Variants in FAM91A1 observed in about 807,000 individuals in gnomAD.
The protein encoded by FAM91A1 is protein FAM91A1.
A neutral mutation model predicts 113.5 loss-of-function variants in FAM91A1; 41 were observed. That is an observed-to-expected ratio of 0.36 (90% CI 0.28 to 0.47). The LOEUF is 0.47. Among genes scored for constraint, FAM91A1 ranks in the 20% least tolerant of loss-of-function variants. The pLI is 1.00. For missense variants in FAM91A1, 696 were observed against 1,001.2 expected, an observed-to-expected ratio of 0.70 and a Z score of 4.11; for synonymous variants, 307 against 347.9, an observed-to-expected ratio of 0.88 and a Z score of 1.31.
chr8:123,783,923 C>T lies in FAM91A1; in HGVS notation c.704-547C>T, dbSNP rs146037074. On this transcript the variant is annotated intron_variant, in intron 8 of 23. Transcript: ENST00000334705. The stretch of plus-strand genomic sequence containing the variant: ...TACCAGAAAAGAAAGCCCCAAAGAA[C>T]GAGTTAGCCCAGTGACTTCTGGTAA... Among the ~76,000 whole-genome samples, 14 of 152,306 alleles carry T rather than the reference C, an allele frequency of 9.2e-5. No individual in the cohort carries two copies. The East Asian group carries it at 1.9e-3, about 21-fold the overall frequency.
chr8:123,781,969 T>G (rs952344004), intron 8 of FAM91A1, among the ~76,000 whole-genome samples: 1 of 152,244 alleles, frequency 6.6e-6, no homozygotes, highest in African/African-American at 2.4e-5. Flanking sequence ...AAAGTATTAC[T>G]CTAGTGCCTA....
At chr8:123,791,254 G>T (rs755511306) in intron 15 of FAM91A1, among the ~76,000 whole-genome samples, 1 of 151,444 alleles carries the variant, frequency 6.6e-6, no homozygotes, top group Non-Finnish European at 1.5e-5. Context: ...TTAGTAAATG[G>T]AAGAGCCAGG....
At chr8:123,791,469 T>C (rs1261955821) in intron 15 of FAM91A1, among the ~76,000 whole-genome samples, 1 of 152,138 alleles carries the variant, frequency 6.6e-6, no homozygotes, top group Non-Finnish European at 1.5e-5. Flanking sequence ...CTATTCTCTA[T>C]GAAAATAGTC....
intron 22 of FAM91A1, among the ~76,000 whole-genome samples, chr8:123,809,673 G>C (rs892738774): frequency 8.5e-5 from 13 of 152,146 alleles, no homozygotes; most frequent in African/African-American, 3.1e-4. Flanking sequence ...TCTTATTTTA[G>C]AAAATGAAGT....
chr8:123,768,945 G>C (rs1814773591), intron 1 of FAM91A1, among the ~76,000 whole-genome samples, 171 bp downstream of exon 1: 1 of 152,234 alleles, frequency 6.6e-6, no homozygotes, highest in Non-Finnish European at 1.5e-5. Context: ...GGGGACGGCT[G>C]TGGGGCCACA....
At chr8:123,789,140 A>G (rs1179699278) in intron 14 of FAM91A1, among the ~76,000 whole-genome samples, 2 of 152,152 alleles carry the variant, frequency 1.3e-5, no homozygotes, top group African/African-American at 4.8e-5. Flanking sequence ...CACTAAGTAA[A>G]TCTTTGTTGA....
At chr8:123,801,964 G>A (rs1815693027) in intron 18 of FAM91A1, among the ~76,000 whole-genome samples, 1 of 152,158 alleles carries the variant, frequency 6.6e-6, no homozygotes, top group South Asian at 2.1e-4. Flanking sequence ...TGAGGGGTGA[G>A]TTGGAGTGTG....
At chr8:123,776,099 G>T (rs1247304473) in intron 3 of FAM91A1, among the ~76,000 whole-genome samples, 1 of 152,228 alleles carries the variant, frequency 6.6e-6, no homozygotes, top group African/African-American at 2.4e-5. Context: ...AGTCTTGGCT[G>T]TTAATCTCTT....
chr8:123,798,682 AATATATAT>A (rs1554602906), intron 16 of FAM91A1, among the ~76,000 whole-genome samples: 4 of 152,236 alleles, frequency 2.6e-5, no homozygotes, highest in Non-Finnish European at 5.9e-5. Flanking sequence ...TTACTTAAAA[AATATATAT>A]ATATCAGTTG....
chr8:123,796,735 G>A (rs1165984974), intron 15 of FAM91A1, among the ~76,000 whole-genome samples: 3 of 150,618 alleles, frequency 2.0e-5, no homozygotes, highest in African/African-American at 7.3e-5. Flanking sequence ...GGGATTACAG[G>A]CATGATGCAC....
intron 11 of FAM91A1, chr8:123,786,096 G>A: frequency 3.4e-6 from 1 of 297,946 alleles, no homozygotes; most frequent in Non-Finnish European, 6.5e-6. Context: ...TGGGATTGCA[G>A]GTGTGAGCCA....
intron 20 of FAM91A1, among the ~76,000 whole-genome samples, chr8:123,807,345 A>G (rs1815835953): frequency 6.6e-6 from 1 of 152,024 alleles, no homozygotes; most frequent in Non-Finnish European, 1.5e-5. Flanking sequence ...GAGCAATTTA[A>G]TAAGACCAGG....
chr8:123,815,424 C>T lies in FAM91A1; in HGVS notation c.*2720C>T, dbSNP rs1246815346. ...CACATATAACATGTTTACAAATAAA[C>T]TGTGGTATTGATCAAGTTACTATGA... On this transcript the variant is annotated 3_prime_UTR_variant, in exon 24 of 24. Transcript: ENST00000334705. The T allele has an allele frequency of 6.6e-6, 1 of 151,846 alleles. No individual in the cohort carries two copies. The highest frequency in any genetic ancestry group is 1.5e-5 in the Non-Finnish European group (1 of 67,946). The allele number at this position is 151,846 out of a possible 1,614,324, so 9.4% of individuals were successfully genotyped here. A position where few individuals can be genotyped will look rare whatever the true frequency, so the allele number is the denominator to read the frequency against.
intron 18 of FAM91A1, among the ~76,000 whole-genome samples, chr8:123,803,254 A>G (rs1815730461): frequency 7.0e-6 from 1 of 142,776 alleles, no homozygotes; most frequent in South Asian, 2.2e-4. Context: ...TTTTTTTTGG[A>G]TGGGGGCTAG....
At chr8:123,793,335 T>C (rs1287159723) in intron 15 of FAM91A1, among the ~76,000 whole-genome samples, 1 of 152,222 alleles carries the variant, frequency 6.6e-6, no homozygotes, top group Non-Finnish European at 1.5e-5. Context: ...TTAGAATCCA[T>C]TGGTGGTTCT....
At chr8:123,806,833 G>A (rs1815824257) in intron 20 of FAM91A1, among the ~76,000 whole-genome samples, 1 of 151,490 alleles carries the variant, frequency 6.6e-6, no homozygotes, top group Non-Finnish European at 1.5e-5. Context: ...AGCCTTTCTG[G>A]CCTCTCCTTT....
Position 123,806,070 on chromosome 8 carries a change from C to G in FAM91A1, c.1883-10C>G. 1 of 1,551,648 alleles carries G rather than the reference C, an allele frequency of 6.4e-7. No homozygotes were observed. The highest frequency in any genetic ancestry group is 1.2e-5 in the South Asian group (1 of 82,190). ...ACTGTTCATTAATGTGATGTCCGTT[C>G]TGTTTGTAGAGTTCACTCGTGTCAA... On this transcript the variant is annotated splice_polypyrimidine_tract_variant and intron_variant, in intron 19 of 23. Transcript: ENST00000334705.
Position 123,768,683 on chromosome 8 carries a change from C to T in FAM91A1, c.-20C>T, listed in dbSNP as rs1814764975. The T allele has an allele frequency of 6.5e-7, 1 of 1,533,946 alleles. No individual in the cohort carries two copies. The highest frequency in any genetic ancestry group is 1.2e-5 in the South Asian group (1 of 81,124). ...TGGGTCGCGGTGGCGGCCCCGGCCG[C>T]CGGCCCTGGCCGCGGCATCATGAAC... is the stretch of plus-strand genomic sequence containing the variant. On this transcript the variant is annotated 5_prime_UTR_variant, in exon 1 of 24. Coordinates refer to ENST00000334705, the MANE Select transcript of FAM91A1 (RefSeq NM_144963.4).
In FAM91A1 at chr8:123,814,343, A is replaced by ATT. The variant is rs58300080; in HGVS notation, c.*1650_*1651dup. On this transcript the variant is annotated 3_prime_UTR_variant, in exon 24 of 24. Transcript: ENST00000334705. ...AGTTTTTCAGCTGAAAGTTGTAAGT[A>ATT]TTTTTTTTTTTTGATCGGGGCTCTT... is the stretch of plus-strand genomic sequence containing the variant. The ATT allele has an allele frequency of 9.8e-5, 19 of 193,684 alleles. No homozygotes were observed. Among genetic ancestry groups the ATT allele is most frequent in the South Asian group, 3.5e-4 (5 of 14,110 alleles). 12.0% of individuals were successfully genotyped at this position (193,684 alleles called of 1,614,324 possible).
Sources: allele counts gnomAD v4.1 joint callset (sites outside exome capture counted in the v4.1 genomes callset), GRCh38; gene constraint gnomAD v4.1.1; transcripts MANE v1.5; gene names NCBI Gene and HGNC (gene_info 2026-07-23, HGNC 2026-07-21).